PRORP: variants seen among roughly 807,000 people sequenced by gnomAD.
The protein encoded by PRORP is mitochondrial ribonuclease P catalytic subunit.
Under a neutral mutation model 59.4 loss-of-function variants are expected in PRORP, and 51 were observed. The observed-to-expected ratio is 0.86, with a 90% CI of 0.69 to 1.08. The LOEUF is 1.08. Among genes scored for constraint, PRORP ranks in the 50% least tolerant of loss-of-function variants. The pLI is 0.00. For missense variants in PRORP, 646 were observed against 690.3 expected, an observed-to-expected ratio of 0.94 and a Z score of 0.72; for synonymous variants, 231 against 245.6, an observed-to-expected ratio of 0.94 and a Z score of 0.55.
intron 5 of PRORP, among the ~76,000 whole-genome samples, chr14:35,243,522 T>G (rs2138555023): frequency 1.4e-5 from 2 of 145,546 alleles, no homozygotes; most frequent in South Asian, 2.2e-4. Flanking sequence ...GGTGACAGAG[T>G]GAGACCATGT....
chr14:35,141,940 A>G (rs1412812680), intron 4 of PRORP, among the ~76,000 whole-genome samples: 1 of 144,280 alleles, frequency 6.9e-6, no homozygotes, highest in African/African-American at 2.4e-5. Context: ...GTGCAATGGC[A>G]CGATTTCGGC....
chr14:35,210,653 T>G (rs1386021001), intron 5 of PRORP, among the ~76,000 whole-genome samples: 2 of 150,732 alleles, frequency 1.3e-5, no homozygotes, highest in Non-Finnish European at 3.0e-5. Flanking sequence ...GTCACCAAAT[T>G]TAGATACTAG....
At chr14:35,224,743 G>A (rs2049889468) in intron 5 of PRORP, among the ~76,000 whole-genome samples, 1 of 152,154 alleles carries the variant, frequency 6.6e-6, no homozygotes, top group Admixed American at 6.6e-5. Flanking sequence ...AACCTTCTTA[G>A]TTATAACTTG....
rs892480940 is a variant in PRORP at position 35,145,677 on chromosome 14, G to GC, written c.1167+18068dup. 1.6e-4 allele frequency among the ~76,000 whole-genome samples: 22 copies of GC among 140,008 alleles called. 1 individual carries two copies. The highest frequency in any genetic ancestry group is 5.4e-4 in the African/African-American group (22 of 40,400). The allele number at this position is 140,008 out of a possible 152,430, so 91.9% of individuals were successfully genotyped here. A position where few individuals can be genotyped will look rare whatever the true frequency, so the allele number is the denominator to read the frequency against. On this transcript the variant is annotated intron_variant, in intron 4 of 7. Coordinates refer to ENST00000534898, the MANE Select transcript of PRORP (RefSeq NM_014672.4). ...GGAGGTTGCAGTGAGCTGAGATCGC[G>GC]CCACTGCACTCCAGCCTGGCGACAG...
rs547714571 is a variant in PRORP, at chr14:35,263,967, T to C, written c.1276-2760T>C. Among the ~76,000 whole-genome samples, 7 of 151,978 alleles carry C rather than the reference T, an allele frequency of 4.6e-5. No individual in the cohort carries two copies. The South Asian group carries it at 1.5e-3, about 32-fold the overall frequency. ...GTCCATTCTTTTTTTTTTTTAGAGATGGTGTCTCACTCTGTTGCCCAGGAT... is the reference window on the plus strand; with the variant it reads ...GTCCATTCTTTTTTTTTTTTAGAGACGGTGTCTCACTCTGTTGCCCAGGAT... On this transcript the variant is annotated intron_variant, in intron 5 of 7. Transcript: ENST00000534898.
At chr14:35,169,947 T>TA (rs1173227751) in intron 4 of PRORP, among the ~76,000 whole-genome samples, 9 of 152,262 alleles carry the variant, frequency 5.9e-5, no homozygotes, top group African/African-American at 2.2e-4. Flanking sequence ...ATTGTAGAGT[T>TA]ACCTGTTCCT....
chr14:35,270,958 G>T (rs1264692292), intron 7 of PRORP, among the ~76,000 whole-genome samples: 1 of 151,498 alleles, frequency 6.6e-6, no homozygotes, highest in African/African-American at 2.4e-5. Context: ...GTGGTGGCGG[G>T]TGCCTGTAAT....
At chr14:35,143,118 A>G (rs2047520987) in intron 4 of PRORP, among the ~76,000 whole-genome samples, 1 of 146,026 alleles carries the variant, frequency 6.8e-6, no homozygotes, top group African/African-American at 2.4e-5. Context: ...CCTTTTACAT[A>G]TTTAAACATT....
intron 5 of PRORP, among the ~76,000 whole-genome samples, chr14:35,213,355 C>T (rs73236982): frequency 0.05 from 7,569 of 152,118 alleles, 334 homozygotes; most frequent in Admixed American, 0.15. Context: ...CACTTCAGCC[C>T]AGGAGTTCAA....
At chr14:35,254,014 C>T (rs1490787731) in intron 5 of PRORP, among the ~76,000 whole-genome samples, 1 of 150,774 alleles carries the variant, frequency 6.6e-6, no homozygotes, top group Non-Finnish European at 1.5e-5. Context: ...GATCCCTCTC[C>T]TAAGTGGTAG....
chr14:35,190,169 T>C (rs2048847613), intron 5 of PRORP, among the ~76,000 whole-genome samples: 1 of 149,888 alleles, frequency 6.7e-6, no homozygotes, highest in African/African-American at 2.5e-5. Flanking sequence ...GAGGCCGAGG[T>C]GAGTGGATCA....
chr14:35,135,322 G>A (rs1179833254), intron 4 of PRORP, among the ~76,000 whole-genome samples: 1 of 151,996 alleles, frequency 6.6e-6, no homozygotes, highest in African/African-American at 2.4e-5. Flanking sequence ...TTAAATTGGT[G>A]TCCTTGCAAG....
At chr14:35,200,230 T>C (rs1353750689) in intron 5 of PRORP, among the ~76,000 whole-genome samples, 1 of 152,204 alleles carries the variant, frequency 6.6e-6, no homozygotes, top group Non-Finnish European at 1.5e-5. Flanking sequence ...TCTCACTCTG[T>C]TGCCCAGGCT....
At chr14:35,132,905 T>G (rs1251239332) in intron 4 of PRORP, among the ~76,000 whole-genome samples, 1 of 93,652 alleles carries the variant, frequency 1.1e-5, no homozygotes, top group African/African-American at 5.8e-5. Context: ...TAGTGTTTTT[T>G]TGTTTTGTTT....
intron 5 of PRORP, among the ~76,000 whole-genome samples, chr14:35,191,473 G>A (rs570445214): frequency 3.3e-4 from 50 of 152,164 alleles, no homozygotes; most frequent in African/African-American, 1.1e-3. Context: ...AGGCTGAGGC[G>A]GGAGAATCAC....
rs544130139 is a variant in PRORP, at chr14:35,125,167, G to C, written c.986+936G>C. On this transcript the variant is annotated intron_variant, in intron 2 of 7. Coordinates refer to ENST00000534898, the MANE Select transcript of PRORP (RefSeq NM_014672.4). ...TGAACCACCGCGTCCGGCCTATTCT[G>C]TCTACTATCTATAGTTCATCAACTT... Among the ~76,000 whole-genome samples, 3 of 152,190 alleles carry C rather than the reference G, an allele frequency of 2.0e-5. No individual in the cohort carries two copies. The East Asian group carries it at 5.8e-4, about 29-fold the overall frequency.
chr14:35,172,660 C>T (rs112680456), intron 4 of PRORP, among the ~76,000 whole-genome samples: 27,850 of 149,768 alleles, frequency 0.19, 2,813 homozygotes, highest in Admixed American at 0.27. Flanking sequence ...AGCGATTCTT[C>T]TGCCTCAGCC....
chr14:35,198,347 C>G (rs2049057932), intron 5 of PRORP, among the ~76,000 whole-genome samples: 1 of 152,120 alleles, frequency 6.6e-6, no homozygotes, highest in Non-Finnish European at 1.5e-5. Flanking sequence ...TTGTTACGAA[C>G]CGGTGAATGG....
At chr14:35,180,526 CTG>C (rs3058430) in intron 4 of PRORP, 142 bp from the exon 5 acceptor site, 26,010 of 499,250 alleles carry the variant, frequency 0.052, 1 homozygote, top group Middle Eastern at 0.079. Context: ...TGTAGAGTAT[CTG>C]TGTGTGTGTG....
Sources: gnomAD v4.1 joint callset for allele counts (sites outside exome capture counted in the v4.1 genomes callset) on GRCh38, gnomAD v4.1.1 for gene constraint, MANE v1.5 for transcripts, NCBI Gene and HGNC (gene_info 2026-07-23, HGNC 2026-07-21) for gene names.